The following PCDH7 variants were observed in gnomAD, a reference collection of about 807,000 sequenced individuals.
The protein encoded by PCDH7 is protocadherin-7.
PCDH7 carries 17 observed loss-of-function variants against 58.9 expected under a neutral mutation model. The observed-to-expected ratio is 0.29, with a 90% CI of 0.20 to 0.43. PCDH7 has a LOEUF of 0.43. PCDH7 is among the 20% of genes least tolerant of loss of function. The probability of loss-of-function intolerance (pLI) is 1.00; values close to 1 mark genes in which losing one functional copy is unlikely to be tolerated. For synonymous variants in PCDH7, 664 were observed against 616.4 expected (o/e 1.08, Z -1.14); for missense variants, 1,274 against 1,441.0 (o/e 0.88, Z 1.88).
chr4:30,958,894 C>A (rs552042881), intron 3 of PCDH7, among the ~76,000 whole-genome samples: 1 of 151,942 alleles, frequency 6.6e-6, no homozygotes, highest in Non-Finnish European at 1.5e-5. Context: ...AGCATAAAAG[C>A]ATTTTACTTA....
chr4:30,892,279 C>T (rs1738714159), intron 1 of PCDH7, among the ~76,000 whole-genome samples: 1 of 151,874 alleles, frequency 6.6e-6, no homozygotes, highest in African/African-American at 2.4e-5. Context: ...GTATGAAGCA[C>T]CTCTCTATAA....
intron 3 of PCDH7, among the ~76,000 whole-genome samples, chr4:31,036,548 C>T (rs1368836830): frequency 6.6e-6 from 1 of 152,108 alleles, no homozygotes; most frequent in Non-Finnish European, 1.5e-5. Context: ...CTGAAACTAA[C>T]ATTTTTACAT....
In PCDH7 at chr4:31,081,004, G is replaced by A. The variant is rs568736297; in HGVS notation, c.*8-61469G>A. Among the ~76,000 whole-genome samples, 319 of 152,254 alleles carry A rather than the reference G, an allele frequency of 2.1e-3. 1 individual carries two copies. The highest frequency in any genetic ancestry group is 7.1e-3 in the African/African-American group (293 of 41,550). On this transcript the variant is annotated intron_variant, in intron 3 of 3. Coordinates refer to the PCDH7 transcript ENST00000509759. ...TGCCTTTCACTTTCTGCCATGGATC[G>A]TGAGTCCTCCCCAACCTGTGGAAAT... is the stretch of plus-strand genomic sequence containing the variant.
chr4:31,024,485 A>G (rs1294649810), intron 3 of PCDH7, among the ~76,000 whole-genome samples: 2 of 152,190 alleles, frequency 1.3e-5, no homozygotes, highest in Non-Finnish European at 2.9e-5. Context: ...CTTGAAGCTC[A>G]AGAAAATTTT....
At chr4:30,869,174 G>A (rs190342293) in intron 1 of PCDH7, 1 of 152,016 alleles carries the variant, frequency 6.6e-6, no homozygotes, top group Admixed American at 6.6e-5. Flanking sequence ...AGTCTCATTA[G>A]GACTTCATGT....
intron 2 of PCDH7, among the ~76,000 whole-genome samples, chr4:30,943,817 C>A (rs1437387658): frequency 3.3e-5 from 5 of 151,372 alleles, no homozygotes; most frequent in Non-Finnish European, 5.9e-5. Context: ...CCCAGGGAAG[C>A]CAAAAGATTG....
chr4:30,905,033 G>T (rs1740740109), intron 1 of PCDH7, among the ~76,000 whole-genome samples: 1 of 152,080 alleles, frequency 6.6e-6, no homozygotes, highest in Non-Finnish European at 1.5e-5. Flanking sequence ...TTCACCAGGT[G>T]CAGTTTATGT....
chr4:31,090,720 G>GT (rs1713130904), intron 3 of PCDH7, among the ~76,000 whole-genome samples: 1 of 151,830 alleles, frequency 6.6e-6, no homozygotes, highest in African/African-American at 2.4e-5. Flanking sequence ...TTTGATCATT[G>GT]TTTTTTAATC....
intron 3 of PCDH7, among the ~76,000 whole-genome samples, chr4:31,007,288 T>A (rs1417947165): frequency 6.6e-6 from 1 of 152,236 alleles, no homozygotes; most frequent in African/African-American, 2.4e-5. Context: ...TTTTAAAGTA[T>A]AATGCCTGAT....
intron 3 of PCDH7, among the ~76,000 whole-genome samples, chr4:30,977,348 A>G (rs932037646): frequency 5.9e-5 from 9 of 152,116 alleles, no homozygotes; most frequent in African/African-American, 1.7e-4. Context: ...ATTCCCCCAG[A>G]TAATTTGGCC....
chr4:30,920,360 A>G (rs780808181), exon 2 of PCDH7: 4 of 1,367,006 alleles, frequency 2.9e-6, no homozygotes, highest in Non-Finnish European at 3.9e-6. Flanking sequence ...GGCAGAGCAT[A>G]TGGAAAATGG....
chr4:31,138,975 C>CA (rs199822943), intron 3 of PCDH7, among the ~76,000 whole-genome samples: 5,452 of 88,786 alleles, frequency 0.061, 183 homozygotes, highest in East Asian at 0.26. Context: ...GATCCTGTCT[C>CA]AAAAAAAAAA....
intron 1 of PCDH7, among the ~76,000 whole-genome samples, chr4:30,786,131 T>C (rs768215037): frequency 6.6e-5 from 10 of 152,072 alleles, no homozygotes; most frequent in Non-Finnish European, 1.2e-4. Context: ...GTCATGACTT[T>C]GAAAAGGGGC....
At chr4:30,939,287 A>G (rs1474896096) in intron 2 of PCDH7, among the ~76,000 whole-genome samples, 1 of 152,110 alleles carries the variant, frequency 6.6e-6, no homozygotes, top group Non-Finnish European at 1.5e-5. Context: ...GTATTGTGGT[A>G]TATTAGGCTT....
At chr4:30,999,407 A>G (rs1156477177) in intron 3 of PCDH7, among the ~76,000 whole-genome samples, 3 of 152,180 alleles carry the variant, frequency 2.0e-5, no homozygotes, top group Admixed American at 6.6e-5. Context: ...TGATTTATCC[A>G]AAAATTTGGT....
downstream of PCDH7, among the ~76,000 whole-genome samples, chr4:30,734,127 A>G (rs111235291): frequency 3.6e-3 from 554 of 152,206 alleles, 7 homozygotes; most frequent in African/African-American, 0.013. Flanking sequence ...CACAGTTGGA[A>G]ATATCTCTCT....
chr4:31,043,014 C>T (rs952013252), intron 3 of PCDH7, among the ~76,000 whole-genome samples: 6 of 151,988 alleles, frequency 3.9e-5, no homozygotes, highest in African/African-American at 7.3e-5. Context: ...TATATAATGG[C>T]CCATTCCTAT....
intron 1 of PCDH7, among the ~76,000 whole-genome samples, chr4:30,858,233 T>A (rs926486680): frequency 2.6e-5 from 4 of 152,116 alleles, no homozygotes; most frequent in Non-Finnish European, 5.9e-5. Flanking sequence ...GTTGAAAAAG[T>A]CTCTTTTTTT....
chr4:30,724,961 G>A (rs1248091959), intron 1 of PCDH7: 1 of 1,035,312 alleles, frequency 9.7e-7, no homozygotes, highest in East Asian at 9.0e-5. Flanking sequence ...TTCTTCTGTG[G>A]CAACTAAGTG....
Sources: gnomAD v4.1 joint callset for allele counts (sites outside exome capture counted in the v4.1 genomes callset) on GRCh38, gnomAD v4.1.1 for gene constraint, MANE v1.5 for transcripts, NCBI Gene and HGNC (gene_info 2026-07-23, HGNC 2026-07-21) for gene names.